The following DOCK7 variants were observed in gnomAD, a reference collection of about 807,000 sequenced individuals.
DOCK7 encodes the protein dedicator of cytokinesis protein 7.
In DOCK7, 138 loss-of-function variants were observed where a neutral mutation model predicts 271.0. That is an observed-to-expected ratio of 0.51 (90% CI 0.44 to 0.59). The LOEUF (loss-of-function observed/expected upper bound fraction) is 0.59, where lower values mean the gene tolerates loss of function less well. Among genes scored for constraint, DOCK7 ranks in the 20% least tolerant of loss-of-function variants. The pLI, the probability that DOCK7 is intolerant of heterozygous loss-of-function variation, is 0.00. For synonymous variants in DOCK7, 823 were observed against 876.1 expected (o/e 0.94, Z 1.07); for missense variants, 2,066 against 2,592.4 (o/e 0.80, Z 4.41).
At chr1:62,640,927 A>G (rs1038449844) in intron 7 of DOCK7, among the ~76,000 whole-genome samples, 17 of 152,200 alleles carry the variant, frequency 1.1e-4, no homozygotes, top group Non-Finnish European at 2.1e-4. Flanking sequence ...TGTCTGCACA[A>G]TTCTTAGAGT....
At position 62,647,720 on chromosome 1, in the gene DOCK7, T is replaced by C. The variant is rs771131322; in HGVS notation, c.789A>G (p.Gln263=). ...VPDIPKEHFG[Q]RLLVKCLSLK... Reference sequence around the variant, plus strand: ...GTGATAAGCATTTTACAAGAAGTCTTTGACCAAAATGTTCTTTGGGTATAT... The same window carrying C: ...GTGATAAGCATTTTACAAGAAGTCTCTGACCAAAATGTTCTTTGGGTATAT... Residue 263 remains glutamine, a synonymous_variant, in exon 7 of 50, where the codon CAA becomes CAG. Transcript: ENST00000635253. The C allele has an allele frequency of 5.6e-6, 9 of 1,608,508 alleles. No individual in the cohort carries two copies. Among genetic ancestry groups the C allele is most frequent in the East Asian group, 4.5e-5 (2 of 44,570 alleles).
At chr1:62,471,644 A>T (rs1474780676) in intron 48 of DOCK7, among the ~76,000 whole-genome samples, 1 of 143,564 alleles carries the variant, frequency 7.0e-6, no homozygotes, top group Non-Finnish European at 1.5e-5. Flanking sequence ...CGACAAAGTG[A>T]GACCTTGTCT....
chr1:62,659,744 C>T (rs879416918), intron 2 of DOCK7, among the ~76,000 whole-genome samples: 4 of 151,968 alleles, frequency 2.6e-5, no homozygotes, highest in Non-Finnish European at 5.9e-5. Flanking sequence ...CAAAAGAAAG[C>T]TGGAGTGGCT....
chr1:62,679,068 C>T (rs756071122), intron 1 of DOCK7, among the ~76,000 whole-genome samples: 3 of 151,742 alleles, frequency 2.0e-5, no homozygotes, highest in Non-Finnish European at 4.4e-5. Context: ...ACAATAGAGG[C>T]GGCAGGGCAG....
At chr1:62,523,907 A>C (rs1644924263) in intron 31 of DOCK7, among the ~76,000 whole-genome samples, 1 of 152,146 alleles carries the variant, frequency 6.6e-6, no homozygotes, top group Admixed American at 6.6e-5. Flanking sequence ...AAATAAAATT[A>C]GGCATTCTAA....
chr1:62,679,904 A>G (rs1340358377), intron 1 of DOCK7, among the ~76,000 whole-genome samples: 2 of 152,220 alleles, frequency 1.3e-5, no homozygotes, highest in Non-Finnish European at 2.9e-5. Context: ...AAACAAATGG[A>G]AGAATATTCC....
intron 19 of DOCK7, among the ~76,000 whole-genome samples, chr1:62,561,171 T>C (rs931577690): frequency 2.6e-5 from 4 of 152,106 alleles, no homozygotes; most frequent in African/African-American, 7.2e-5. Flanking sequence ...GTCAAATGAA[T>C]ACCAGGAGGA....
chr1:62,572,976 A>C (rs1207526489), intron 18 of DOCK7, among the ~76,000 whole-genome samples: 1 of 152,212 alleles, frequency 6.6e-6, no homozygotes, highest in Non-Finnish European at 1.5e-5. Flanking sequence ...CTGAGAGCTA[A>C]CTTTGCTAAA....
Position 62,616,687 on chromosome 1 carries a change from T to C in DOCK7, c.1682+2019A>G, listed in dbSNP as rs879467926. On this transcript the variant is annotated intron_variant, in intron 14 of 49. Coordinates refer to ENST00000635253, the MANE Select transcript of DOCK7 (RefSeq NM_001367561.1). ...GTAATGTATAAGATTTCTATGAGAC[T>C]GAATAAACTAATTTAAATGAAATTA... Among the ~76,000 whole-genome samples the C allele has an allele frequency of 3.7e-4, 56 of 151,848 alleles. 1 individual carries two copies. Among genetic ancestry groups the C allele is most frequent in the Non-Finnish European group, 3.5e-4 (24 of 67,714 alleles).
intron 17 of DOCK7, among the ~76,000 whole-genome samples, chr1:62,577,943 G>C (rs1181140158): frequency 6.7e-6 from 1 of 149,614 alleles, no homozygotes; most frequent in Non-Finnish European, 1.5e-5. Flanking sequence ...TTTTTTTTGA[G>C]ACAAGAGTCT....
At chr1:62,602,239 C>T (rs781605325) in intron 14 of DOCK7, 2 of 1,448,612 alleles carry the variant, frequency 1.4e-6, no homozygotes, top group East Asian at 4.6e-5. Flanking sequence ...TTACATCTGT[C>T]AACATAAATC....
intron 9 of DOCK7, chr1:62,633,810 C>T (rs1391184090): frequency 2.3e-6 from 1 of 433,390 alleles, no homozygotes; most frequent in Non-Finnish European, 4.1e-6. Flanking sequence ...ATATGAAAAG[C>T]CCACAGTTAA....
chr1:62,483,209 T>A (rs7529269), intron 43 of DOCK7: 1 of 74,454 alleles, frequency 1.3e-5, no homozygotes, highest in Admixed American at 1.7e-4. Flanking sequence ...TTTTTTTTTT[T>A]TTGGGTAGAG....
At chr1:62,593,757 A>G (rs1648812483) in intron 14 of DOCK7, among the ~76,000 whole-genome samples, 1 of 152,196 alleles carries the variant, frequency 6.6e-6, no homozygotes, top group Non-Finnish European at 1.5e-5. Flanking sequence ...TAATGAGACA[A>G]TTGAGCACTT....
chr1:62,537,628 C>T (rs1456377603), intron 28 of DOCK7, among the ~76,000 whole-genome samples: 1 of 150,986 alleles, frequency 6.6e-6, no homozygotes, highest in African/African-American at 2.4e-5. Flanking sequence ...AAAATAAAGC[C>T]TTGGTTCAAA....
chr1:62,574,716 A>G (rs1646890343), intron 18 of DOCK7, among the ~76,000 whole-genome samples: 1 of 152,156 alleles, frequency 6.6e-6, no homozygotes, highest in Non-Finnish European at 1.5e-5. Flanking sequence ...TTGGCACCAC[A>G]TAGAAATATT....
At chr1:62,500,158 T>A (rs561899221) in intron 37 of DOCK7, among the ~76,000 whole-genome samples, 6 of 152,210 alleles carry the variant, frequency 3.9e-5, no homozygotes, top group Admixed American at 2.0e-4. Context: ...AGATAAAGAA[T>A]ACTTAATAGA....
At chr1:62,484,310 G>C (rs1486659219) in intron 43 of DOCK7, 1 of 151,852 alleles carries the variant, frequency 6.6e-6, no homozygotes, top group Non-Finnish European at 1.5e-5. Flanking sequence ...GAAAATGTAA[G>C]ATATACTTTA....
rs1651188841 is a variant in DOCK7 at position 62,607,601 on chromosome 1, C to T, written c.1682+11105G>A. ...GGCTGCATACTGCCTGGACCTGTGT[C>T]TTTCAAGCTCATCTACTGAAGAAGT... On this transcript the variant is annotated intron_variant, in intron 14 of 49. Coordinates refer to ENST00000635253, the MANE Select transcript of DOCK7 (RefSeq NM_001367561.1). Among the ~76,000 whole-genome samples the T allele has an allele frequency of 2.6e-5, 4 of 152,302 alleles. No homozygotes were observed. The South Asian group carries it at 8.3e-4, about 32-fold the overall frequency.
Sources: gnomAD v4.1 joint callset for allele counts (sites outside exome capture counted in the v4.1 genomes callset) on GRCh38, gnomAD v4.1.1 for gene constraint, MANE v1.5 for transcripts, NCBI Gene and HGNC (gene_info 2026-07-23, HGNC 2026-07-21) for gene names.